VRK2: variants seen among roughly 807,000 people sequenced by gnomAD.
VRK2 encodes the protein VRK serine/threonine kinase 2.
A neutral mutation model predicts 57.6 loss-of-function variants in VRK2; 60 were observed. The ratio of observed to expected loss-of-function variants is 1.04; its 90% CI spans 0.85 to 1.29. The LOEUF is 1.29. Among genes scored for constraint, VRK2 ranks in the 50% most tolerant of loss-of-function variants. VRK2 has a pLI of 0.00. For missense variants in VRK2, 705 were observed against 588.1 expected, an observed-to-expected ratio of 1.20 and a Z score of -2.06; for synonymous variants, 231 against 199.2, an observed-to-expected ratio of 1.16 and a Z score of -1.35.
chr2:58,036,187 A>G (rs1453603905), intron 3 of VRK2, among the ~76,000 whole-genome samples: 1 of 151,974 alleles, frequency 6.6e-6, no homozygotes, highest in East Asian at 1.9e-4. Flanking sequence ...CACCTAATAT[A>G]TCTGGTAGAT....
intron 1 of VRK2, among the ~76,000 whole-genome samples, chr2:57,979,846 C>G (rs1289292117): frequency 6.6e-6 from 1 of 152,096 alleles, no homozygotes; most frequent in African/African-American, 2.4e-5. Context: ...ATAATAGTCT[C>G]TGAGGGTTTT....
At chr2:58,002,720 A>T (rs1673127940) in intron 1 of VRK2, among the ~76,000 whole-genome samples, 1 of 152,228 alleles carries the variant, frequency 6.6e-6, no homozygotes, top group African/African-American at 2.4e-5. Flanking sequence ...GGTAGAAATG[A>T]GCATAGGAAA....
intron 12 of VRK2, among the ~76,000 whole-genome samples, chr2:58,156,452 ATC>A (rs941661497): frequency 2.0e-5 from 3 of 152,068 alleles, no homozygotes; most frequent in South Asian, 2.1e-4. Context: ...TCATGCCTTA[ATC>A]TCTCTTATTT....
At chr2:57,973,307 C>T (rs144759535) in intron 1 of VRK2, among the ~76,000 whole-genome samples, 1 of 151,700 alleles carries the variant, frequency 6.6e-6, no homozygotes, top group Non-Finnish European at 1.5e-5. Flanking sequence ...CAAGCAAATG[C>T]AAGTACAAAA....
At chr2:57,965,662 T>G (rs1220360961) in intron 1 of VRK2, among the ~76,000 whole-genome samples, 1 of 152,212 alleles carries the variant, frequency 6.6e-6, no homozygotes, top group African/African-American at 2.4e-5. Context: ...ATTAATAAAC[T>G]GTATTTCTGA....
intron 1 of VRK2, among the ~76,000 whole-genome samples, chr2:57,984,565 T>C (rs925240910): frequency 6.6e-6 from 1 of 152,108 alleles, no homozygotes; most frequent in Non-Finnish European, 1.5e-5. Flanking sequence ...GCAATCTTCT[T>C]ACTAAACTAA....
chr2:57,976,573 T>C (rs1451838673), intron 1 of VRK2, among the ~76,000 whole-genome samples: 1 of 152,142 alleles, frequency 6.6e-6, no homozygotes, highest in Non-Finnish European at 1.5e-5. Context: ...GTTTTTTGCT[T>C]ATAAATTTAA....
At chr2:57,998,414 T>A (rs1672990716) in intron 1 of VRK2, among the ~76,000 whole-genome samples, 1 of 152,320 alleles carries the variant, frequency 6.6e-6, no homozygotes, top group South Asian at 2.1e-4. Context: ...TTTTCACATA[T>A]ATTCTCAAAA....
chr2:58,033,571 T>C (rs1301634930), intron 3 of VRK2: 1 of 152,070 alleles, frequency 6.6e-6, no homozygotes, highest in Non-Finnish European at 1.5e-5. Context: ...AATTAATTTA[T>C]ATCATATAAG....
rs397868874 is a variant in VRK2, at chr2:58,120,184, C to CTTTTTTTTTTT, written c.544-2903_544-2893dup. Among the ~76,000 whole-genome samples, 67 of 51,960 alleles carry CTTTTTTTTTTT rather than the reference C, an allele frequency of 1.3e-3. 5 individuals are homozygous for CTTTTTTTTTTT. Among genetic ancestry groups the CTTTTTTTTTTT allele is most frequent in the African/African-American group, 6.3e-3 (61 of 9,622 alleles). The allele number at this position is 51,960 out of a possible 152,430, so 34.1% of individuals were successfully genotyped here. On this transcript the variant is annotated intron_variant, in intron 7 of 12. Transcript: ENST00000340157. Reference sequence around the variant, plus strand: ...CTTTTTGTCTATTTTTTTTTCTTTTCTTTTTTTTTTTTTTTTTTTTTTTTG... The same window carrying CTTTTTTTTTTT: ...CTTTTTGTCTATTTTTTTTTCTTTTCTTTTTTTTTTTTTTTTTTTTTTTTTTTTTTTTTTTG...
intron 2 of VRK2, among the ~76,000 whole-genome samples, chr2:58,053,077 G>A (rs530639692): frequency 9.8e-5 from 15 of 152,322 alleles, no homozygotes; most frequent in African/African-American, 3.6e-4. Flanking sequence ...TTGAGACTGA[G>A]ATTGGAGTAC....
At chr2:58,135,009 G>T in intron 9 of VRK2, 132 bp from the exon 10 acceptor site, 1 of 844,606 alleles carries the variant, frequency 1.2e-6, no homozygotes, top group Non-Finnish European at 1.9e-6. Context: ...CATTATAGTT[G>T]GGTGACAAAA....
At chr2:58,094,062 C>T (rs967957124) in intron 7 of VRK2, among the ~76,000 whole-genome samples, 2 of 152,196 alleles carry the variant, frequency 1.3e-5, no homozygotes, top group African/African-American at 4.8e-5. Context: ...GTTTTGGTTA[C>T]TGTAGCCTTG....
At chr2:58,063,508 G>A (rs1677676205) in intron 2 of VRK2, among the ~76,000 whole-genome samples, 1 of 151,910 alleles carries the variant, frequency 6.6e-6, no homozygotes, top group South Asian at 2.1e-4. Context: ...ACATTTGCAT[G>A]AATAATAGAG....
At chr2:58,080,253 T>G (rs539232356) in intron 2 of VRK2, among the ~76,000 whole-genome samples, 1 of 152,094 alleles carries the variant, frequency 6.6e-6, no homozygotes, top group East Asian at 1.9e-4. Flanking sequence ...GAACGTAGCT[T>G]TAATAATATG....
At chr2:58,109,582 G>A (rs2104401664) in intron 7 of VRK2, among the ~76,000 whole-genome samples, 1 of 152,310 alleles carries the variant, frequency 6.6e-6, no homozygotes, top group East Asian at 1.9e-4. Context: ...GCTGGCAAGA[G>A]AGAAGTGCTG....
Position 58,113,840 on chromosome 2 carries a change from C to T in VRK2, c.544-9261C>T, listed in dbSNP as rs760264517. On this transcript the variant is annotated intron_variant, in intron 7 of 12. Coordinates refer to ENST00000340157, the MANE Select transcript of VRK2 (RefSeq NM_006296.7). ...ACTCACAGGGGATGCGACGGCTTGGCTTGGGCTCAGAGGCCTGACATTCCT... is the reference window on the plus strand; with the variant it reads ...ACTCACAGGGGATGCGACGGCTTGGTTTGGGCTCAGAGGCCTGACATTCCT... Among the ~76,000 whole-genome samples, 147 of 152,210 alleles carry T rather than the reference C, an allele frequency of 9.7e-4. 1 individual carries two copies. Among genetic ancestry groups the T allele is most frequent in the Non-Finnish European group, 1.0e-3 (69 of 68,004 alleles).
chr2:58,153,257 G>C (rs1471634452), intron 12 of VRK2, among the ~76,000 whole-genome samples: 1 of 151,986 alleles, frequency 6.6e-6, no homozygotes, highest in Non-Finnish European at 1.5e-5. Context: ...TTATTGCTCA[G>C]TAGTAATCTG....
At chr2:58,102,808 T>G (rs1372196982) in intron 7 of VRK2, among the ~76,000 whole-genome samples, 3 of 151,624 alleles carry the variant, frequency 2.0e-5, no homozygotes, top group Non-Finnish European at 4.4e-5. Flanking sequence ...ACAGGGAACA[T>G]TCTCCAAGAT....
Sources: gnomAD v4.1 joint callset for allele counts (sites outside exome capture counted in the v4.1 genomes callset) on GRCh38, gnomAD v4.1.1 for gene constraint, MANE v1.5 for transcripts, NCBI Gene and HGNC (gene_info 2026-07-23, HGNC 2026-07-21) for gene names.